The following SFMBT2 variants were observed in gnomAD, a reference collection of about 807,000 sequenced individuals.
The protein encoded by SFMBT2 is scm-like with four MBT domains protein 2.
A neutral mutation model predicts 110.1 loss-of-function variants in SFMBT2; 38 were observed. That is an observed-to-expected ratio of 0.35 (90% CI 0.27 to 0.45). The LOEUF is 0.45. SFMBT2 is among the 20% of genes least tolerant of loss of function. The probability of loss-of-function intolerance (pLI) is 1.00; values close to 1 mark genes in which losing one functional copy is unlikely to be tolerated. For synonymous variants in SFMBT2, 425 were observed against 425.4 expected, an observed-to-expected ratio of 1.00 and a Z score of 0.01; for missense variants, 1,011 against 1,094.9, an observed-to-expected ratio of 0.92 and a Z score of 1.08.
intron 12 of SFMBT2, chr10:7,204,784 A>G (rs985789381): frequency 2.5e-4 from 57 of 229,386 alleles, no homozygotes; most frequent in Admixed American, 2.0e-3. Flanking sequence ...GAGGCAGGAG[A>G]ATCTCTTGAA....
chr10:7,268,953 G>C (rs1326891832), intron 7 of SFMBT2, among the ~76,000 whole-genome samples: 2 of 152,160 alleles, frequency 1.3e-5, no homozygotes, highest in African/African-American at 2.4e-5. Flanking sequence ...GTGATATACA[G>C]TGCAGTCACC....
chr10:7,206,996 C>A (rs1173023466), intron 11 of SFMBT2: 1 of 869,474 alleles, frequency 1.2e-6, no homozygotes, highest in East Asian at 1.2e-4. Flanking sequence ...GAGGCCAAGG[C>A]CAGCAAATTG....
At chr10:7,280,350 CT>C (rs1841914160) in intron 6 of SFMBT2, among the ~76,000 whole-genome samples, 1 of 151,918 alleles carries the variant, frequency 6.6e-6, no homozygotes, top group African/African-American at 2.4e-5. Flanking sequence ...GATTCAGAAA[CT>C]TCCTGACTCC....
chr10:7,318,991 G>A (rs937973509), intron 4 of SFMBT2, among the ~76,000 whole-genome samples: 7 of 152,180 alleles, frequency 4.6e-5, no homozygotes, highest in Non-Finnish European at 5.9e-5. Flanking sequence ...TGGCATCTCT[G>A]ACAAAAGGGA....
chr10:7,205,386 T>C, intron 12 of SFMBT2: 1 of 984,338 alleles, frequency 1.0e-6, no homozygotes, highest in South Asian at 4.7e-5. Context: ...GCACTGTGCC[T>C]AGCCTGGTTA....
intron 4 of SFMBT2, among the ~76,000 whole-genome samples, chr10:7,316,559 A>G (rs1843018329): frequency 6.6e-6 from 1 of 152,222 alleles, no homozygotes; most frequent in South Asian, 2.1e-4. Context: ...TGCGACCTGG[A>G]GGACATTCTT....
rs78837179 is a variant in SFMBT2 at position 7,375,876 on chromosome 10, A to G, written c.101-5501T>C. On this transcript the variant is annotated intron_variant, in intron 2 of 20. Transcript: ENST00000397167. Reference sequence around the variant, plus strand: ...AAAAGGGAATACCATTGAGTCACACAGGACCAGTTCCCAGCGTGAAGAGTG... The same window carrying G: ...AAAAGGGAATACCATTGAGTCACACGGGACCAGTTCCCAGCGTGAAGAGTG... Among the ~76,000 whole-genome samples the G allele has an allele frequency of 3.3e-5, 5 of 152,242 alleles. No individual in the cohort carries two copies. The East Asian group carries it at 5.8e-4, about 18-fold the overall frequency.
Position 7,364,272 on chromosome 10 carries a change from G to T in SFMBT2, c.436+3377C>A, listed in dbSNP as rs577367534. Among the ~76,000 whole-genome samples the T allele has an allele frequency of 4.6e-5, 7 of 152,282 alleles. No individual in the cohort carries two copies. The South Asian group carries it at 1.4e-3, about 32-fold the overall frequency. On this transcript the variant is annotated intron_variant, in intron 4 of 20. Transcript: ENST00000397167. Reference sequence around the variant, plus strand: ...TATCACTGAAGAATTCCTCAAATTAGCATAAGTTGTTAACAATTGAAAAGA... The same window carrying T: ...TATCACTGAAGAATTCCTCAAATTATCATAAGTTGTTAACAATTGAAAAGA...
At chr10:7,277,560 C>A in intron 6 of SFMBT2, 1 of 177,674 alleles carries the variant, frequency 5.6e-6, no homozygotes, top group Non-Finnish European at 1.1e-5. Flanking sequence ...CCACATGTTG[C>A]CCATATTTTT....
intron 1 of SFMBT2, among the ~76,000 whole-genome samples, 134 bp downstream of exon 1, chr10:7,410,723 GCTTC>G (rs1295769355): frequency 8.1e-5 from 12 of 147,718 alleles, no homozygotes; most frequent in Non-Finnish European, 1.6e-4. Flanking sequence ...GCTCCCTCAG[GCTTC>G]CTTCCTTTTT....
chr10:7,310,532 G>A (rs1405292848), intron 4 of SFMBT2, among the ~76,000 whole-genome samples: 1 of 152,218 alleles, frequency 6.6e-6, no homozygotes, highest in Non-Finnish European at 1.5e-5. Flanking sequence ...CTGTTCTAAT[G>A]AGGAAAAACA....
At chr10:7,336,311 C>T (rs952337857) in intron 4 of SFMBT2, among the ~76,000 whole-genome samples, 1 of 152,348 alleles carries the variant, frequency 6.6e-6, no homozygotes, top group Admixed American at 6.5e-5. Flanking sequence ...TAAAAGCCCA[C>T]AGCTGACCGC....
intron 11 of SFMBT2, among the ~76,000 whole-genome samples, chr10:7,219,267 G>A (rs1051284930): frequency 1.3e-5 from 2 of 152,202 alleles, no homozygotes; most frequent in Non-Finnish European, 1.5e-5. Context: ...ACACTTTCGT[G>A]AATTCCAGAA....
At chr10:7,395,344 CATGG>C (rs1845895139) in intron 1 of SFMBT2, among the ~76,000 whole-genome samples, 1 of 152,232 alleles carries the variant, frequency 6.6e-6, no homozygotes, top group African/African-American at 2.4e-5. Context: ...GGCTTCCCTC[CATGG>C]CCGTCTGGCT....
chr10:7,375,949 T>C (rs1845195355), intron 2 of SFMBT2, among the ~76,000 whole-genome samples: 1 of 152,108 alleles, frequency 6.6e-6, no homozygotes, highest in South Asian at 2.1e-4. Flanking sequence ...CCTTCCCAAA[T>C]AGAAGAGCCT....
At chr10:7,269,485 G>C (rs1367365024) in intron 7 of SFMBT2, among the ~76,000 whole-genome samples, 1 of 152,096 alleles carries the variant, frequency 6.6e-6, no homozygotes, top group African/African-American at 2.4e-5. Flanking sequence ...AGAACTTCTT[G>C]GAAATACCGC....
chr10:7,232,928 C>T (rs1178056408), intron 9 of SFMBT2, among the ~76,000 whole-genome samples: 5 of 152,074 alleles, frequency 3.3e-5, no homozygotes, highest in African/African-American at 1.2e-4. Context: ...TGACTTTATC[C>T]AGTTCCTGGA....
chr10:7,230,789 C>T lies in SFMBT2; in HGVS notation c.1121-2852G>A, dbSNP rs1302172776. Reference sequence around the variant, plus strand: ...CTCTACTACAAATACAAAAATTAGGCGGGAGTGGTGGTGCATGCCTGTAAT... The same window carrying T: ...CTCTACTACAAATACAAAAATTAGGTGGGAGTGGTGGTGCATGCCTGTAAT... On this transcript the variant is annotated intron_variant, in intron 9 of 20. Transcript: ENST00000397167. Among the ~76,000 whole-genome samples the T allele has an allele frequency of 2.0e-4, 30 of 152,010 alleles. 1 individual carries two copies. The highest frequency in any genetic ancestry group is 3.9e-4 in the East Asian group (2 of 5,160).
At chr10:7,268,549 C>T (rs2131799880) in intron 7 of SFMBT2, among the ~76,000 whole-genome samples, 2 of 151,512 alleles carry the variant, frequency 1.3e-5, no homozygotes, top group South Asian at 2.1e-4. Context: ...CTCGCTCTGT[C>T]GCCCAGGCTG....
Sources: allele counts gnomAD v4.1 joint callset (sites outside exome capture counted in the v4.1 genomes callset), GRCh38; gene constraint gnomAD v4.1.1; transcripts MANE v1.5; gene names NCBI Gene and HGNC (gene_info 2026-07-23, HGNC 2026-07-21).